The following PARD6B variants were observed in gnomAD, a reference collection of about 807,000 sequenced individuals.
PARD6B encodes partitioning defective 6 homolog beta.
In PARD6B, 4 loss-of-function variants were observed where a neutral mutation model predicts 10.5. The observed-to-expected ratio is 0.38, with a 90% CI of 0.19 to 0.87. PARD6B has a LOEUF of 0.87. Ranked by LOEUF, PARD6B falls within the 40% of genes least tolerant of loss-of-function variation. The pLI is 0.41. For synonymous variants in PARD6B, 169 were observed against 170.4 expected (o/e 0.99, Z 0.07); for missense variants, 396 against 470.6 (o/e 0.84, Z 1.47).
Position 50,750,890 on chromosome 20 carries a change from C to G in PARD6B, c.*402C>G. ...TAAAATTCTAATGTGAAGTCTGATTCTCTCTTGTGGTACATTGGGGACCTC... is the reference window on the plus strand; with the variant it reads ...TAAAATTCTAATGTGAAGTCTGATTGTCTCTTGTGGTACATTGGGGACCTC... On this transcript the variant is annotated 3_prime_UTR_variant, in exon 3 of 3. Coordinates refer to ENST00000371610, the MANE Select transcript of PARD6B (RefSeq NM_032521.3). The G allele has an allele frequency of 3.0e-6, 3 of 986,654 alleles. No homozygotes were observed. The highest frequency in any genetic ancestry group is 2.4e-6 in the Non-Finnish European group (2 of 831,178). 61.1% of individuals were successfully genotyped at this position (986,654 alleles called of 1,614,324 possible).
chr20:50,744,264 G>A (rs1002457810), intron 2 of PARD6B, among the ~76,000 whole-genome samples: 3 of 151,706 alleles, frequency 2.0e-5, no homozygotes, highest in East Asian at 2.0e-4. Flanking sequence ...ACAGGCATGC[G>A]CCACCATGCC....
chr20:50,738,149 C>T (rs949936109), intron 2 of PARD6B, 70 bp downstream of exon 2: 2 of 1,110,714 alleles, frequency 1.8e-6, no homozygotes, highest in African/African-American at 3.2e-5. Flanking sequence ...GAAAGGATAC[C>T]CAGACTTTGC....
chr20:50,749,082 G>A (rs931258402), intron 2 of PARD6B, among the ~76,000 whole-genome samples: 8 of 152,112 alleles, frequency 5.3e-5, no homozygotes, highest in African/African-American at 1.4e-4. Flanking sequence ...GGTGGCTCAC[G>A]CCTATAATTC....
At chr20:50,748,468 T>C (rs750703240) in intron 2 of PARD6B, among the ~76,000 whole-genome samples, 21 of 152,372 alleles carry the variant, frequency 1.4e-4, no homozygotes, top group Non-Finnish European at 2.5e-4. Context: ...GATATTGGTA[T>C]ATGATTTTAC....
chr20:50,749,527 A>G (rs1194658410), intron 2 of PARD6B, 132 bp from the exon 3 acceptor site: 28 of 795,094 alleles, frequency 3.5e-5, no homozygotes, highest in Non-Finnish European at 5.0e-5. Context: ...TGATCTGATT[A>G]GAATAAGCTT....
Position 50,731,649 on chromosome 20 carries a change from G to A in PARD6B, c.-138G>A, listed in dbSNP as rs1014464558. ...GCTCAGCGCGGACGCCGGAGCTGCG[G>A]CCGCCCCCTCTGCAGGTGCCTGTGA... On this transcript the variant is annotated 5_prime_UTR_variant, in exon 1 of 3. Transcript: ENST00000371610. The A allele has an allele frequency of 4.5e-5, 27 of 603,726 alleles. No homozygotes were observed. The highest frequency in any genetic ancestry group is 6.2e-5 in the Non-Finnish European group (24 of 387,848). 37.4% of individuals were successfully genotyped at this position (603,726 alleles called of 1,614,324 possible). A position where few individuals can be genotyped will look rare whatever the true frequency, so the allele number is the denominator to read the frequency against.
chr20:50,747,577 G>A lies in PARD6B; in HGVS notation c.290-2082G>A, dbSNP rs115639678. Reference sequence around the variant, plus strand: ...TTGTTGTGTTTTTTTTTTAATTCATGTAAATTTCACTTTTTAGTTTATCCT... The same window carrying A: ...TTGTTGTGTTTTTTTTTTAATTCATATAAATTTCACTTTTTAGTTTATCCT... On this transcript the variant is annotated intron_variant, in intron 2 of 2. Coordinates refer to ENST00000371610, the MANE Select transcript of PARD6B (RefSeq NM_032521.3). Among the ~76,000 whole-genome samples the A allele has an allele frequency of 6.7e-3, 735 of 109,466 alleles. 8 individuals are homozygous for A. Among genetic ancestry groups the A allele is most frequent in the African/African-American group, 0.024 (710 of 29,176 alleles). The allele number at this position is 109,466 out of a possible 152,430, so 71.8% of individuals were successfully genotyped here. A position where few individuals can be genotyped will look rare whatever the true frequency, so the allele number is the denominator to read the frequency against.
chr20:50,742,043 T>C (rs1429320310), intron 2 of PARD6B, among the ~76,000 whole-genome samples: 1 of 152,040 alleles, frequency 6.6e-6, no homozygotes, highest in Non-Finnish European at 1.5e-5. Flanking sequence ...AAGTTACACT[T>C]AATATGTACT....
Position 50,750,519 on chromosome 20 carries a change from A to G in PARD6B, c.*31A>G, listed in dbSNP as rs1463708439. On this transcript the variant is annotated 3_prime_UTR_variant, in exon 3 of 3. Transcript: ENST00000371610. Reference sequence around the variant, plus strand: ...TGGTTTGAATGTTTTCAGAGTGAGGATGCCATGAGGACTTGTACATTTGGC... The same window carrying G: ...TGGTTTGAATGTTTTCAGAGTGAGGGTGCCATGAGGACTTGTACATTTGGC... 6.3e-7 allele frequency: 1 copy of G among 1,594,276 alleles called. No individual in the cohort carries two copies. The highest frequency in any genetic ancestry group is 8.5e-7 in the Non-Finnish European group (1 of 1,170,346).
At chr20:50,747,489 C>CTTTTTTTTTTTTTTTTTTT (rs58629233) in intron 2 of PARD6B, among the ~76,000 whole-genome samples, 16 of 33,356 alleles carry the variant, frequency 4.8e-4, no homozygotes, top group Admixed American at 1.5e-3. Flanking sequence ...TTCTTTCTTT[C>CTTTTTTTTTTTTTTTTTTT]TTTTTTTTTT....
rs764693463 is a variant in PARD6B, at chr20:50,751,612, C to T, written c.*1124C>T. ...CCGCCCGCCTCGGCCTCCCAAAGTGCTGGGATTACAGGCGTGAGCCACCGC... is the reference window on the plus strand; with the variant it reads ...CCGCCCGCCTCGGCCTCCCAAAGTGTTGGGATTACAGGCGTGAGCCACCGC... On this transcript the variant is annotated 3_prime_UTR_variant, in exon 3 of 3. Coordinates refer to ENST00000371610, the MANE Select transcript of PARD6B (RefSeq NM_032521.3). 15 of 983,756 alleles carry T rather than the reference C, an allele frequency of 1.5e-5. No homozygotes were observed. The highest frequency in any genetic ancestry group is 1.7e-5 in the African/African-American group (1 of 57,150). The allele number at this position is 983,756 out of a possible 1,614,324, so 60.9% of individuals were successfully genotyped here.
Position 50,750,304 on chromosome 20 carries a change from C to G in PARD6B, c.935C>G (p.Pro312Arg). The G allele has an allele frequency of 6.2e-7, 1 of 1,614,140 alleles. No individual in the cohort carries two copies. Among genetic ancestry groups the G allele is most frequent in the Non-Finnish European group, 8.5e-7 (1 of 1,180,028 alleles). Residue 312 changes from proline to arginine, a missense_variant, in exon 3 of 3, where the codon CCT becomes CGT. Physicochemically the swap from Pro to Arg is moderately radical, Grantham distance 103. Transcript: ENST00000371610. ...GVPQQIPKAV[P>R]NTESLESLTQ... is the part of the protein sequence containing the mutation. ...CCACAGCAGATTCCAAAAGCTGTTC[C>G]TAATACTGAGAGCCTGGAGTCATTA...
In PARD6B at chr20:50,750,128, T is replaced by C; in HGVS notation, c.759T>C (p.Asn253=). 6.2e-7 allele frequency: 1 copy of C among 1,614,166 alleles called. No homozygotes were observed. The highest frequency in any genetic ancestry group is 8.5e-7 in the Non-Finnish European group (1 of 1,180,024). Reference sequence around the variant, plus strand: ...CAGTGAGACCGGCAAACCAGAGGAATAATGTTGTGAGGAACAGTCGGACTT... The same window carrying C: ...CAGTGAGACCGGCAAACCAGAGGAACAATGTTGTGAGGAACAGTCGGACTT... ...IITVRPANQR[N]NVVRNSRTSG... is the part of the protein sequence containing the mutation. The change falls in exon 3 of 3, where the codon AAT becomes AAC. Residue 253 remains asparagine (N), a synonymous_variant. Coordinates refer to ENST00000371610, the MANE Select transcript of PARD6B (RefSeq NM_032521.3).
Position 50,752,963 on chromosome 20 carries a change from C to T in PARD6B, c.*2475C>T, listed in dbSNP as rs2087622323. 4 of 984,146 alleles carry T rather than the reference C, an allele frequency of 4.1e-6. No individual in the cohort carries two copies. Among genetic ancestry groups the T allele is most frequent in the Non-Finnish European group, 4.8e-6 (4 of 828,460 alleles). The allele number at this position is 984,146 out of a possible 1,614,324, so 61.0% of individuals were successfully genotyped here. A position where few individuals can be genotyped will look rare whatever the true frequency, so the allele number is the denominator to read the frequency against. On this transcript the variant is annotated 3_prime_UTR_variant, in exon 3 of 3. Transcript: ENST00000371610. ...CATTCTGTGAGTCTTACAAATTTGA[C>T]TCTTGAATGGCAAAATAATGTTAGT...
chr20:50,736,841 C>T (rs1568995403), intron 1 of PARD6B, among the ~76,000 whole-genome samples: 1 of 151,560 alleles, frequency 6.6e-6, no homozygotes, highest in East Asian at 2.1e-4. Flanking sequence ...GTTGGGACTA[C>T]AGGCATGTGC....
chr20:50,747,077 G>A (rs1159666010), intron 2 of PARD6B, among the ~76,000 whole-genome samples: 1 of 152,062 alleles, frequency 6.6e-6, no homozygotes, highest in East Asian at 1.9e-4. Context: ...TAAGATACCC[G>A]TAACCTTATA....
chr20:50,742,496 G>T (rs1257212632), intron 2 of PARD6B, among the ~76,000 whole-genome samples: 1 of 151,856 alleles, frequency 6.6e-6, no homozygotes, highest in African/African-American at 2.4e-5. Context: ...CTCCCAAGTA[G>T]CTGGGACTAC....
chr20:50,743,910 T>C (rs1716720302), intron 2 of PARD6B, among the ~76,000 whole-genome samples: 1 of 148,562 alleles, frequency 6.7e-6, no homozygotes, highest in African/African-American at 2.5e-5. Context: ...AAAAAAGAAA[T>C]TGTGGAGTAA....
At position 50,751,847 on chromosome 20, in the gene PARD6B, G is replaced by A; in HGVS notation, c.*1359G>A. Reference sequence around the variant, plus strand: ...CTTCTGAGTAGCTAAGATTACAGGTGTGCGCCAACACGTCTGGCTTATTTT... The same window carrying A: ...CTTCTGAGTAGCTAAGATTACAGGTATGCGCCAACACGTCTGGCTTATTTT... On this transcript the variant is annotated 3_prime_UTR_variant, in exon 3 of 3. Coordinates refer to ENST00000371610, the MANE Select transcript of PARD6B (RefSeq NM_032521.3). 3.4e-6 allele frequency: 3 copies of A among 874,286 alleles called. No homozygotes were observed. The highest frequency in any genetic ancestry group is 4.1e-6 in the Non-Finnish European group (3 of 729,860). The allele number at this position is 874,286 out of a possible 1,614,324, so 54.2% of individuals were successfully genotyped here.
Sources: allele counts gnomAD v4.1 joint callset (sites outside exome capture counted in the v4.1 genomes callset), GRCh38; gene constraint gnomAD v4.1.1; transcripts MANE v1.5; gene names NCBI Gene and HGNC (gene_info 2026-07-23, HGNC 2026-07-21).